SGCZ: variants seen among roughly 807,000 people sequenced by gnomAD.
The protein encoded by SGCZ is sarcoglycan zeta.
A neutral mutation model predicts 41.3 loss-of-function variants in SGCZ; 40 were observed. The observed-to-expected ratio is 0.97, with a 90% confidence interval of 0.75 to 1.26. The LOEUF is 1.26. SGCZ is among the 50% of genes most tolerant of loss of function. The pLI, the probability that SGCZ is intolerant of heterozygous loss-of-function variation, is 0.00. For synonymous variants in SGCZ, 206 were observed against 137.5 expected, an observed-to-expected ratio of 1.50 and a Z score of -3.49; for missense variants, 552 against 369.8, an observed-to-expected ratio of 1.49 and a Z score of -4.04.
chr8:15,197,373 G>A (rs908253479), intron 1 of SGCZ, among the ~76,000 whole-genome samples: 2 of 152,104 alleles, frequency 1.3e-5, no homozygotes, highest in African/African-American at 2.4e-5. Flanking sequence ...ACATCTTCAC[G>A]AAAACTAAGT....
chr8:14,165,974 T>G (rs1015681349), intron 4 of SGCZ, among the ~76,000 whole-genome samples: 1 of 152,120 alleles, frequency 6.6e-6, no homozygotes, highest in Non-Finnish European at 1.5e-5. Flanking sequence ...CCCATCATCA[T>G]AGCTGCTGAG....
chr8:14,463,336 G>A (rs919709171), intron 2 of SGCZ, among the ~76,000 whole-genome samples: 2 of 150,040 alleles, frequency 1.3e-5, no homozygotes, highest in African/African-American at 4.9e-5. Flanking sequence ...GTAATCAATA[G>A]TGTAGTACTG....
At chr8:14,474,557 G>C (rs1455164148) in intron 2 of SGCZ, among the ~76,000 whole-genome samples, 2 of 152,100 alleles carry the variant, frequency 1.3e-5, no homozygotes, top group South Asian at 2.1e-4. Context: ...AGCGCTCCAT[G>C]AATTAATTTC....
chr8:14,465,046 T>C (rs1801010698), intron 2 of SGCZ, among the ~76,000 whole-genome samples: 1 of 151,692 alleles, frequency 6.6e-6, no homozygotes, highest in South Asian at 2.1e-4. Flanking sequence ...GAAGAATATG[T>C]ATTCTGCTTT....
rs369770843 is a variant in SGCZ, at chr8:14,099,703, C to T, written c.744+2673G>A. Reference sequence around the variant, plus strand: ...TCATGCCAATGTACTCCATCCTGGGCGACAAGAGCGAGACTCTGTCTCAAA... The same window carrying T: ...TCATGCCAATGTACTCCATCCTGGGTGACAAGAGCGAGACTCTGTCTCAAA... On this transcript the variant is annotated intron_variant, in intron 7 of 7. Transcript: ENST00000382080. Among the ~76,000 whole-genome samples the T allele has an allele frequency of 8.6e-5, 13 of 151,914 alleles. 1 individual carries two copies. Among genetic ancestry groups the T allele is most frequent in the African/African-American group, 1.7e-4 (7 of 41,344 alleles).
chr8:14,099,620 G>A (rs1801949570), intron 7 of SGCZ, among the ~76,000 whole-genome samples: 2 of 152,082 alleles, frequency 1.3e-5, no homozygotes. Context: ...ACCTACTAGG[G>A]AGGCTGAGGC....
At chr8:14,607,086 CTG>C (rs2117328630) in intron 1 of SGCZ, among the ~76,000 whole-genome samples, 1 of 152,272 alleles carries the variant, frequency 6.6e-6, no homozygotes, top group South Asian at 2.1e-4. Context: ...TATTCATTGA[CTG>C]TGCCTGGTCC....
chr8:14,324,153 T>A lies in SGCZ; in HGVS notation c.286A>T (p.Ile96Leu). The change falls in exon 3 of 8, where the codon ATA (isoleucine) becomes TTA (leucine). Residue 96 changes from isoleucine (I) to leucine (L), a missense_variant. By Grantham distance (5) the Ile-to-Leu change is conservative. Coordinates refer to ENST00000382080, the MANE Select transcript of SGCZ (RefSeq NM_139167.4). ...VTKKGIRLEG[I>L]SEFLLPLYVK... ...TACAATGGAAGTAGAAACTCAGATA[T>A]ACCTTCAAGTCGGATTCCCTTCTTG... The A allele has an allele frequency of 3.1e-6, 5 of 1,613,182 alleles. No homozygotes were observed. The highest frequency in any genetic ancestry group is 4.2e-6 in the Non-Finnish European group (5 of 1,179,564).
At chr8:14,996,981 C>G (rs931968105) in intron 1 of SGCZ, among the ~76,000 whole-genome samples, 2 of 152,152 alleles carry the variant, frequency 1.3e-5, no homozygotes, top group Non-Finnish European at 2.9e-5. Context: ...GGAAGACGCT[C>G]TTTTGTGTTC....
At chr8:14,694,267 C>G (rs1327489299) in intron 1 of SGCZ, among the ~76,000 whole-genome samples, 1 of 152,132 alleles carries the variant, frequency 6.6e-6, no homozygotes, top group African/African-American at 2.4e-5. Flanking sequence ...TATTATAAAA[C>G]AGTATAATTT....
At chr8:14,389,214 A>G (rs1264357561) in intron 2 of SGCZ, among the ~76,000 whole-genome samples, 3 of 151,988 alleles carry the variant, frequency 2.0e-5, no homozygotes, top group Non-Finnish European at 4.4e-5. Flanking sequence ...ATAGAGACAT[A>G]TTAATATAAA....
intron 3 of SGCZ, among the ~76,000 whole-genome samples, chr8:14,279,013 T>C (rs1800330983): frequency 6.6e-6 from 1 of 152,122 alleles, no homozygotes; most frequent in Non-Finnish European, 1.5e-5. Flanking sequence ...AGGAATTTAA[T>C]GGGAAAACTT....
At chr8:14,745,102 T>C (rs1461195247) in intron 1 of SGCZ, among the ~76,000 whole-genome samples, 1 of 152,214 alleles carries the variant, frequency 6.6e-6, no homozygotes, top group African/African-American at 2.4e-5. Context: ...CCATTTATTT[T>C]CCCTGACTGT....
intron 1 of SGCZ, among the ~76,000 whole-genome samples, chr8:14,981,095 A>G (rs1221586593): frequency 6.6e-6 from 1 of 152,038 alleles, no homozygotes; most frequent in Non-Finnish European, 1.5e-5. Context: ...GAAATCTCCT[A>G]CCAACTCATA....
chr8:14,782,914 G>A (rs772252608), intron 1 of SGCZ, among the ~76,000 whole-genome samples: 1 of 152,050 alleles, frequency 6.6e-6, no homozygotes, highest in Non-Finnish European at 1.5e-5. Context: ...AAGATGTGCT[G>A]AATCTTTTTT....
chr8:14,933,449 G>A (rs1416219368), intron 1 of SGCZ, among the ~76,000 whole-genome samples: 2 of 25,876 alleles, frequency 7.7e-5, no homozygotes, highest in South Asian at 2.2e-3. Context: ...TTTTTTTTTT[G>A]GAGACGGAGT....
intron 1 of SGCZ, among the ~76,000 whole-genome samples, chr8:14,953,654 T>G (rs1316841611): frequency 6.6e-6 from 1 of 152,006 alleles, no homozygotes; most frequent in African/African-American, 2.4e-5. Context: ...TTACTCACTA[T>G]GCAGACTTTT....
intron 1 of SGCZ, among the ~76,000 whole-genome samples, chr8:14,703,563 A>G (rs909310723): frequency 6.6e-6 from 1 of 152,152 alleles, no homozygotes; most frequent in Admixed American, 6.6e-5. Flanking sequence ...ACAAGGGCAG[A>G]AACTCTATTC....
chr8:14,653,906 G>A (rs571670476), intron 1 of SGCZ, among the ~76,000 whole-genome samples: 1 of 152,156 alleles, frequency 6.6e-6, no homozygotes, highest in Admixed American at 6.5e-5. Context: ...ATTACTCTGT[G>A]ATAATTGAAC....
Sources: allele counts gnomAD v4.1 joint callset (sites outside exome capture counted in the v4.1 genomes callset), GRCh38; gene constraint gnomAD v4.1.1; transcripts MANE v1.5; gene names NCBI Gene and HGNC (gene_info 2026-07-23, HGNC 2026-07-21).